The following DSCAM variants were observed in gnomAD, a reference collection of about 807,000 sequenced individuals.
DSCAM encodes the protein DS cell adhesion molecule.
Under a neutral mutation model 217.7 loss-of-function variants are expected in DSCAM, and 47 were observed. The observed-to-expected ratio is 0.22, with a 90% CI of 0.17 to 0.28. DSCAM has a LOEUF of 0.28. Ranked by LOEUF, DSCAM falls within the 10% of genes least tolerant of loss-of-function variation. The pLI, the probability that DSCAM is intolerant of heterozygous loss-of-function variation, is 1.00. For missense variants in DSCAM, 2,080 were observed against 2,618.3 expected (o/e 0.79, Z 4.49); for synonymous variants, 1,056 against 1,015.3 (o/e 1.04, Z -0.76).
At chr21:40,462,853 T>C (rs1379652581) in intron 3 of DSCAM, among the ~76,000 whole-genome samples, 1 of 152,160 alleles carries the variant, frequency 6.6e-6, no homozygotes, top group Non-Finnish European at 1.5e-5. Context: ...ACATGGTAAA[T>C]GTGGGGGCCA....
At chr21:40,093,624 G>T in intron 21 of DSCAM, 97 bp downstream of exon 21, 3 of 1,416,316 alleles carry the variant, frequency 2.1e-6, no homozygotes, top group South Asian at 1.2e-5. Context: ...TGGTTTATTT[G>T]ATTTTTAGGA....
At chr21:40,112,576 C>G (rs527264562) in intron 20 of DSCAM, among the ~76,000 whole-genome samples, 1 of 152,030 alleles carries the variant, frequency 6.6e-6, no homozygotes, top group Non-Finnish European at 1.5e-5. Flanking sequence ...CAGAGCAGAA[C>G]TGAATGAAAT....
chr21:40,582,449 C>T (rs2076912856), intron 3 of DSCAM, among the ~76,000 whole-genome samples: 1 of 152,086 alleles, frequency 6.6e-6, no homozygotes, highest in African/African-American at 2.4e-5. Context: ...CTAACAGTCC[C>T]AGCCGAAAGG....
intron 3 of DSCAM, among the ~76,000 whole-genome samples, chr21:40,473,408 G>A (rs2075905750): frequency 6.6e-6 from 1 of 152,212 alleles, no homozygotes; most frequent in Non-Finnish European, 1.5e-5. Flanking sequence ...GGGCTGAGAA[G>A]CCATCTGACA....
chr21:40,247,486 C>G (rs1375086595), intron 11 of DSCAM, among the ~76,000 whole-genome samples: 2 of 152,200 alleles, frequency 1.3e-5, no homozygotes, highest in Admixed American at 6.5e-5. Context: ...AAAGGGGCTA[C>G]AGGCCCCATG....
At chr21:40,372,527 T>C (rs954319744) in intron 3 of DSCAM, among the ~76,000 whole-genome samples, 1 of 152,218 alleles carries the variant, frequency 6.6e-6, no homozygotes. Flanking sequence ...AGTCATCATT[T>C]TGGACATCGA....
At position 40,057,873 on chromosome 21, in the gene DSCAM, C is replaced by CTTTTT. The variant is rs71186913; in HGVS notation, c.4920-2038_4920-2034dup. On this transcript the variant is annotated intron_variant, in intron 28 of 32. Transcript: ENST00000400454. ...TGATGCAATCACAGTTCACTGCAGT[C>CTTTTT]TTTTTTTTTTTTTTTTTTTTGAGAT... Among the ~76,000 whole-genome samples the CTTTTT allele has an allele frequency of 5.7e-3, 608 of 107,122 alleles. 21 individuals are homozygous for CTTTTT. Among genetic ancestry groups the CTTTTT allele is most frequent in the East Asian group, 0.011 (35 of 3,288 alleles). 70.3% of individuals were successfully genotyped at this position (107,122 alleles called of 152,430 possible).
At chr21:40,210,078 A>T (rs2091167040) in intron 11 of DSCAM, among the ~76,000 whole-genome samples, 1 of 152,154 alleles carries the variant, frequency 6.6e-6, no homozygotes, top group South Asian at 2.1e-4. Flanking sequence ...CATACCTTGT[A>T]TGTTTCTCCA....
Position 40,075,113 on chromosome 21 carries a change from C to A in DSCAM, c.4812G>T (p.Val1604=), listed in dbSNP as rs1199408853. The A allele has an allele frequency of 1.2e-6, 2 of 1,614,104 alleles. No homozygotes were observed. The highest frequency in any genetic ancestry group is 1.7e-6 in the Non-Finnish European group (2 of 1,180,044). The stretch of plus-strand genomic sequence containing the variant: ...GGAGCACAAACAGCAGCAAGACCCC[C>A]ACCAGGATACAGGAGATGGTCACCA... ...KMLVTISCIL[V]GVLLLFVLLL... Residue 1604 remains valine, a synonymous_variant, in exon 27 of 33, where the codon GTG becomes GTT. Coordinates refer to ENST00000400454, the MANE Select transcript of DSCAM (RefSeq NM_001389.5).
chr21:40,718,773 T>C (rs1236868397), intron 1 of DSCAM, among the ~76,000 whole-genome samples: 1 of 152,164 alleles, frequency 6.6e-6, no homozygotes, highest in East Asian at 1.9e-4. Flanking sequence ...GACAAAAGAT[T>C]TGTACCCAAA....
chr21:40,618,248 A>C (rs2089431025), intron 3 of DSCAM, among the ~76,000 whole-genome samples: 1 of 152,180 alleles, frequency 6.6e-6, no homozygotes, highest in South Asian at 2.1e-4. Flanking sequence ...AATCCAAACG[A>C]AGAAGGAATA....
chr21:40,662,727 C>T (rs973303617), intron 3 of DSCAM, among the ~76,000 whole-genome samples: 1 of 152,132 alleles, frequency 6.6e-6, no homozygotes, highest in Non-Finnish European at 1.5e-5. Flanking sequence ...CACTTCCTTC[C>T]CTGCTCCCTG....
At chr21:40,220,346 G>C (rs1362415269) in intron 11 of DSCAM, among the ~76,000 whole-genome samples, 1 of 152,124 alleles carries the variant, frequency 6.6e-6, no homozygotes, top group African/African-American at 2.4e-5. Flanking sequence ...ATACATGTCT[G>C]ACTTAATAAA....
intron 1 of DSCAM, among the ~76,000 whole-genome samples, chr21:40,795,336 T>C (rs2091682582): frequency 6.7e-6 from 1 of 148,568 alleles, no homozygotes. Context: ...CTCCAACAAC[T>C]TACATATACT....
At chr21:40,186,375 C>A (rs2090894810) in intron 14 of DSCAM, among the ~76,000 whole-genome samples, 1 of 152,164 alleles carries the variant, frequency 6.6e-6, no homozygotes, top group South Asian at 2.1e-4. Flanking sequence ...TTTATTAACC[C>A]TTCCCATGCT....
intron 1 of DSCAM, among the ~76,000 whole-genome samples, chr21:40,822,447 T>TA (rs1252683585): frequency 4.0e-5 from 6 of 150,880 alleles, no homozygotes; most frequent in African/African-American, 1.5e-4. Flanking sequence ...CTGTTTTTTT[T>TA]TAAAAAAAAA....
chr21:40,032,526 A>T (rs923287170), intron 32 of DSCAM, among the ~76,000 whole-genome samples: 1 of 152,108 alleles, frequency 6.6e-6, no homozygotes, highest in African/African-American at 2.4e-5. Flanking sequence ...ATCTCACATT[A>T]TTTATTTAGG....
chr21:40,033,582 G>A (rs568991312), intron 32 of DSCAM, among the ~76,000 whole-genome samples: 21 of 151,688 alleles, frequency 1.4e-4, no homozygotes, highest in African/African-American at 5.1e-4. Flanking sequence ...CTGCAAGGCG[G>A]CAGTGAGGCT....
At position 40,580,568 on chromosome 21, in the gene DSCAM, G is replaced by A. The variant is rs557115246; in HGVS notation, c.508+112242C>T. On this transcript the variant is annotated intron_variant, in intron 3 of 32. Transcript: ENST00000400454. Reference sequence around the variant, plus strand: ...AAAAACAAAACAGACTACTGAGAACGTTAAAAAGAAGGTAGATTTTAAAAT... The same window carrying A: ...AAAAACAAAACAGACTACTGAGAACATTAAAAAGAAGGTAGATTTTAAAAT... Among the ~76,000 whole-genome samples, 147 of 151,878 alleles carry A rather than the reference G, an allele frequency of 9.7e-4. 2 individuals are homozygous for A. In the Middle Eastern group the frequency reaches 0.01, roughly 11 times the overall value.
Sources: gnomAD v4.1 joint callset for allele counts (sites outside exome capture counted in the v4.1 genomes callset) on GRCh38, gnomAD v4.1.1 for gene constraint, MANE v1.5 for transcripts, NCBI Gene and HGNC (gene_info 2026-07-23, HGNC 2026-07-21) for gene names.